Variants in ELFN1 observed in about 807,000 individuals in gnomAD.
ELFN1 encodes protein ELFN1.
In ELFN1, 6 loss-of-function variants were observed where a neutral mutation model predicts 7.6. The ratio of observed to expected loss-of-function variants is 0.79; its 90% CI spans 0.43 to 1.56. The LOEUF (loss-of-function observed/expected upper bound fraction) is 1.56. Among genes scored for constraint, ELFN1 ranks in the 40% most tolerant of loss-of-function variants. The pLI is 0.01. For missense variants in ELFN1, 1,169 were observed against 1,232.2 expected (o/e 0.95, Z 0.77); for synonymous variants, 657 against 588.1 (o/e 1.12, Z -1.70).
chr7:1,725,968 A>G (rs1780183340), intron 3 of ELFN1, among the ~76,000 whole-genome samples: 1 of 152,036 alleles, frequency 6.6e-6, no homozygotes, highest in African/African-American at 2.4e-5. Context: ...CACACAATAC[A>G]CAAAAATCAC....
chr7:1,668,501 G>C (rs1170329138), upstream of ELFN1, among the ~76,000 whole-genome samples: 1 of 152,202 alleles, frequency 6.6e-6, no homozygotes, highest in Non-Finnish European at 1.5e-5. Flanking sequence ...CTGGGGCCCG[G>C]AGCCCGGTGG....
chr7:1,697,585 G>T (rs1463162364), intron 2 of ELFN1, among the ~76,000 whole-genome samples: 1 of 152,188 alleles, frequency 6.6e-6, no homozygotes, highest in East Asian at 1.9e-4. Flanking sequence ...GCACCCAGGG[G>T]TACAATTGGG....
intron 1 of ELFN1, among the ~76,000 whole-genome samples, chr7:1,678,243 A>C (rs550626198): frequency 5.3e-5 from 8 of 152,250 alleles, no homozygotes; most frequent in African/African-American, 1.9e-4. Flanking sequence ...GTGCACGCAC[A>C]CACACACCAT....
intron 2 of ELFN1, among the ~76,000 whole-genome samples, chr7:1,706,772 G>T (rs897930583): frequency 6.6e-6 from 1 of 152,366 alleles, no homozygotes; most frequent in Admixed American, 6.5e-5. Flanking sequence ...CAGGGTGGAT[G>T]AGTGGGCCCC....
At position 1,683,299 on chromosome 7, in the gene ELFN1, T is replaced by G. The variant is rs746682657; in HGVS notation, c.-548-4759T>G. Among the ~76,000 whole-genome samples the G allele has an allele frequency of 2.6e-5, 4 of 152,308 alleles. No homozygotes were observed. The East Asian group carries it at 7.7e-4, about 29-fold the overall frequency. Reference sequence around the variant, plus strand: ...TGGGAAGATTTCAAATTAATCAGTTTGTTTGTTTTTTAACTTGTTATGTCT... The same window carrying G: ...TGGGAAGATTTCAAATTAATCAGTTGGTTTGTTTTTTAACTTGTTATGTCT... On this transcript the variant is annotated intron_variant, in intron 1 of 3. Transcript: ENST00000424383.
At chr7:1,727,041 TG>T (rs1425388246) in intron 3 of ELFN1, among the ~76,000 whole-genome samples, 2 of 152,148 alleles carry the variant, frequency 1.3e-5, no homozygotes. Flanking sequence ...GGTCGGGCTG[TG>T]GGATTCCATC....
At chr7:1,678,443 G>A (rs1778914620) in intron 1 of ELFN1, among the ~76,000 whole-genome samples, 1 of 152,204 alleles carries the variant, frequency 6.6e-6, no homozygotes, top group South Asian at 2.1e-4. Flanking sequence ...CCGGAGGGAG[G>A]TGCTGTGTGC....
chr7:1,725,182 G>A (rs547441702), intron 3 of ELFN1, among the ~76,000 whole-genome samples: 1 of 152,368 alleles, frequency 6.6e-6, no homozygotes, highest in East Asian at 1.9e-4. Flanking sequence ...AAACCTGGTG[G>A]GTGCAGGCAG....
At position 1,680,618 on chromosome 7, in the gene ELFN1, A is replaced by G. The variant is rs117036023; in HGVS notation, c.-548-7440A>G. ...ACCAGGCAGTGGTTTTCATGCATTC[A>G]TAGAGTTGCACAACCATAACTACAT... On this transcript the variant is annotated intron_variant, in intron 1 of 3. Coordinates refer to ENST00000424383, the MANE Select transcript of ELFN1 (RefSeq NM_001128636.4). Among the ~76,000 whole-genome samples, 112 of 152,246 alleles carry G rather than the reference A, an allele frequency of 7.4e-4. 1 individual carries two copies. The East Asian group carries it at 0.021, about 29-fold the overall frequency.
At chr7:1,712,157 G>T (rs867011020) in intron 3 of ELFN1, among the ~76,000 whole-genome samples, 1 of 152,182 alleles carries the variant, frequency 6.6e-6, no homozygotes, top group Non-Finnish European at 1.5e-5. Flanking sequence ...GAAACACCCT[G>T]TCCCCCAAGT....
upstream of ELFN1, among the ~76,000 whole-genome samples, chr7:1,669,914 GC>G (rs1778729197): frequency 6.7e-6 from 1 of 150,198 alleles, no homozygotes; most frequent in African/African-American, 2.5e-5. Context: ...GGCGGGGAGG[GC>G]CGGGGACGGA....
chr7:1,743,737 G>A (rs1107200), intron 3 of ELFN1, among the ~76,000 whole-genome samples: 50,760 of 152,070 alleles, frequency 0.33, 8,575 homozygotes, highest in East Asian at 0.49. Flanking sequence ...CGGTGAGTGC[G>A]CAGGGTAGCT....
intron 3 of ELFN1, among the ~76,000 whole-genome samples, chr7:1,711,179 C>A (rs1779642201): frequency 6.6e-6 from 1 of 152,250 alleles, no homozygotes; most frequent in Admixed American, 6.5e-5. Context: ...AGGAAAGATA[C>A]CCTTCCCCTG....
chr7:1,680,635 T>C (rs1398000810), intron 1 of ELFN1, among the ~76,000 whole-genome samples: 4 of 151,944 alleles, frequency 2.6e-5, no homozygotes, highest in Non-Finnish European at 2.9e-5. Context: ...TGCACAACCA[T>C]AACTACATAC....
In ELFN1 at chr7:1,746,324, C is replaced by A. The variant is rs773213925; in HGVS notation, c.1728C>A (p.Leu576=). Residue 576 remains leucine (L), a synonymous_variant, in exon 4 of 4, where the codon CTC becomes CTA. Transcript: ENST00000424383. ...TCATCAACAACTGCATCGACGCGCT[C>A]AAGTCCGAGTCCACCTCCTTCCAGG... ...NQIINNCIDA[L]KSESTSFQGV... is the part of the protein sequence containing the mutation. 2.8e-5 allele frequency: 43 copies of A among 1,559,466 alleles called. No individual in the cohort carries two copies. Among genetic ancestry groups the A allele is most frequent in the Non-Finnish European group, 3.3e-5 (38 of 1,152,844 alleles).
At position 1,746,144 on chromosome 7, in the gene ELFN1, C is replaced by G; in HGVS notation, c.1548C>G (p.Asp516Glu). Reference protein sequence around the residue: ...VEQYKLVESADTPKASKGSYM... With the variant: ...VEQYKLVESAETPKASKGSYM... Reference sequence around the variant, plus strand: ...AGTACAAGCTGGTGGAGAGCGCGGACACCCCCAAGGCCAGCAAGGGCAGCT... The same window carrying G: ...AGTACAAGCTGGTGGAGAGCGCGGAGACCCCCAAGGCCAGCAAGGGCAGCT... Residue 516 changes from aspartate to glutamate, a missense_variant, in exon 4 of 4, where the codon GAC (aspartate) becomes GAG (glutamate). Physicochemically the swap from Asp to Glu is conservative, Grantham distance 45. Coordinates refer to ENST00000424383, the MANE Select transcript of ELFN1 (RefSeq NM_001128636.4). 3 of 1,548,486 alleles carry G rather than the reference C, an allele frequency of 1.9e-6. No individual in the cohort carries two copies. Among genetic ancestry groups the G allele is most frequent in the Non-Finnish European group, 2.6e-6 (3 of 1,145,804 alleles).
At chr7:1,708,477 A>G (rs1383919355) in intron 2 of ELFN1, among the ~76,000 whole-genome samples, 1 of 152,118 alleles carries the variant, frequency 6.6e-6, no homozygotes, top group Admixed American at 6.5e-5. Context: ...CTCCTGACTT[A>G]GTTTCCTTCT....
chr7:1,705,655 C>A lies in ELFN1; in HGVS notation c.-455-3436C>A, dbSNP rs1312955470. On this transcript the variant is annotated intron_variant, in intron 2 of 3. Coordinates refer to ENST00000424383, the MANE Select transcript of ELFN1 (RefSeq NM_001128636.4). This position sits in a 1 kb window ranked among gnomAD's most constrained non-coding sequence, Gnocchi z 4.3. The stretch of plus-strand genomic sequence containing the variant: ...CTCTGGGGGCTGCTGTCCCTCTGGG[C>A]CCTTGCCCTTTCTGGCCCTGCCCTT... Among the ~76,000 whole-genome samples, 1 of 152,264 alleles carries A rather than the reference C, an allele frequency of 6.6e-6. No individual in the cohort carries two copies. The highest frequency in any genetic ancestry group is 2.4e-5 in the African/African-American group (1 of 41,478).
chr7:1,744,991 G>T lies in ELFN1; in HGVS notation c.395G>T (p.Gly132Val), dbSNP rs1355906182. The T allele has an allele frequency of 5.8e-6, 9 of 1,550,978 alleles. No homozygotes were observed. Among genetic ancestry groups the T allele is most frequent in the Non-Finnish European group, 7.0e-6 (8 of 1,147,004 alleles). Residue 132 changes from glycine (G) to valine (V), a missense_variant, in exon 4 of 4, where the codon GGC (glycine) becomes GTC (valine). Physicochemically the swap from Gly to Val is moderately radical, Grantham distance 109. This residue lies in a region of ELFN1 where 255 missense variants were observed against 359.6 expected (regional missense o/e 0.71). Transcript: ENST00000424383. The stretch of plus-strand genomic sequence containing the variant: ...ACGGAGGGCATGCTGCGCGGCCTGG[G>T]CAAGCTGGAGTACCTGTACCTGCAG... ...NLTEGMLRGL[G>V]KLEYLYLQAN...
Sources: gnomAD v4.1 joint callset for allele counts (sites outside exome capture counted in the v4.1 genomes callset) on GRCh38, gnomAD v4.1.1 for gene constraint, gnomAD v4.1.1 regional missense constraint, Gnocchi (gnomAD v3.1) non-coding constraint, MANE v1.5 for transcripts, NCBI Gene and HGNC (gene_info 2026-07-23, HGNC 2026-07-21) for gene names.